RNGTT: variants seen among roughly 807,000 people sequenced by gnomAD.
The protein encoded by RNGTT is RNA guanylyltransferase and 5'-phosphatase.
In RNGTT, 33 loss-of-function variants were observed where a neutral mutation model predicts 79.3. That is an observed-to-expected ratio of 0.42 (90% CI 0.32 to 0.56). The LOEUF is 0.56. Ranked by LOEUF, RNGTT falls within the 20% of genes least tolerant of loss-of-function variation. The pLI, the probability that RNGTT is intolerant of heterozygous loss-of-function variation, is 0.17. For missense variants in RNGTT, 497 were observed against 739.1 expected (o/e 0.67, Z 3.80); for synonymous variants, 222 against 235.9 (o/e 0.94, Z 0.54).
At chr6:88,696,862 A>C (rs1293703964) in intron 13 of RNGTT, among the ~76,000 whole-genome samples, 1 of 152,148 alleles carries the variant, frequency 6.6e-6, no homozygotes, top group African/African-American at 2.4e-5. Context: ...GAAGTACAAA[A>C]GATGCTCTGG....
chr6:88,935,197 A>G (rs569734163), intron 2 of RNGTT, among the ~76,000 whole-genome samples: 320 of 152,124 alleles, frequency 2.1e-3, no homozygotes, highest in Non-Finnish European at 3.9e-3. Context: ...CCTGTCCCCA[A>G]TGTATGTTCT....
chr6:88,850,694 T>C (rs1045171794), intron 9 of RNGTT, among the ~76,000 whole-genome samples: 1 of 151,936 alleles, frequency 6.6e-6, no homozygotes, highest in Non-Finnish European at 1.5e-5. Flanking sequence ...TTATTTCTAC[T>C]TGAAGAATAA....
intron 13 of RNGTT, among the ~76,000 whole-genome samples, chr6:88,696,887 G>T (rs769197436): frequency 6.6e-6 from 1 of 152,110 alleles, no homozygotes; most frequent in Non-Finnish European, 1.5e-5. Context: ...TAGAAACAGA[G>T]AAATTTAAGC....
chr6:88,782,645 T>G (rs1452260761), intron 12 of RNGTT, among the ~76,000 whole-genome samples: 2 of 152,074 alleles, frequency 1.3e-5, no homozygotes, highest in African/African-American at 4.8e-5. Flanking sequence ...ATCTTCAAAC[T>G]ATACATCCAC....
intron 13 of RNGTT, among the ~76,000 whole-genome samples, chr6:88,708,855 G>A (rs1776228787): frequency 6.6e-6 from 1 of 152,106 alleles, no homozygotes; most frequent in South Asian, 2.1e-4. Context: ...ATACAACCAT[G>A]CAGGCAAAAG....
In RNGTT at chr6:88,612,890, C is replaced by A. The variant is rs976106899; in HGVS notation, c.1631-8G>T. ...AGATGCTGTTACACACAGCTGTGGA[C>A]AAAGGGAGACAGGTCTCATGTGAGG... On this transcript the variant is annotated splice_polypyrimidine_tract_variant and splice_region_variant and intron_variant, in intron 15 of 15. Transcript: ENST00000369485. 2.5e-6 allele frequency: 4 copies of A among 1,611,892 alleles called. No individual in the cohort carries two copies. Among genetic ancestry groups the A allele is most frequent in the African/African-American group, 2.7e-5 (2 of 74,840 alleles).
At chr6:88,779,884 C>T (rs1779006412) in intron 12 of RNGTT, among the ~76,000 whole-genome samples, 1 of 152,066 alleles carries the variant, frequency 6.6e-6, no homozygotes, top group Admixed American at 6.6e-5. Context: ...TCCCAGCCAC[C>T]TGGGGGGGCC....
intron 13 of RNGTT, among the ~76,000 whole-genome samples, chr6:88,751,208 G>A (rs567915152): frequency 5.9e-5 from 9 of 152,154 alleles, no homozygotes; most frequent in Admixed American, 4.6e-4. Flanking sequence ...TTGTTCCTTA[G>A]TAATGAATTC....
chr6:88,832,743 C>G (rs1223001371), intron 11 of RNGTT, among the ~76,000 whole-genome samples: 1 of 152,070 alleles, frequency 6.6e-6, no homozygotes, highest in Admixed American at 6.6e-5. Flanking sequence ...GAAAAAACAA[C>G]CCCATCAAAA....
intron 10 of RNGTT, among the ~76,000 whole-genome samples, chr6:88,845,687 G>A (rs1781462166): frequency 6.6e-6 from 1 of 152,178 alleles, no homozygotes; most frequent in South Asian, 2.1e-4. Flanking sequence ...ATACCTTGGG[G>A]ATGTCTTTTT....
At chr6:88,954,811 G>A (rs527872906) in intron 1 of RNGTT, among the ~76,000 whole-genome samples, 1 of 152,026 alleles carries the variant, frequency 6.6e-6, no homozygotes, top group African/African-American at 2.4e-5. Flanking sequence ...AGGAAGCTGA[G>A]GTGGGTGGAT....
intron 13 of RNGTT, among the ~76,000 whole-genome samples, chr6:88,731,821 C>G (rs1349635434): frequency 6.6e-6 from 1 of 152,144 alleles, no homozygotes; most frequent in East Asian, 1.9e-4. Flanking sequence ...AACTTAACTA[C>G]TAATAGCCTG....
chr6:88,716,717 A>T (rs528699175), intron 13 of RNGTT, among the ~76,000 whole-genome samples: 1 of 152,258 alleles, frequency 6.6e-6, no homozygotes, highest in South Asian at 2.1e-4. Context: ...TATCGCAAGG[A>T]CAAAAAACCA....
rs533180477 is a variant in RNGTT, at chr6:88,844,337, A to G, written c.1269+20T>C. 8 of 1,557,136 alleles carry G rather than the reference A, an allele frequency of 5.1e-6. No homozygotes were observed. Among genetic ancestry groups the G allele is most frequent in the South Asian group, 2.3e-5 (2 of 87,486 alleles). On this transcript the variant is annotated intron_variant, in intron 11 of 15. Transcript: ENST00000369485. ...TATGAGACATTATTAGCACTAATTTAAAAAAAAATTAAACTTTACCTTTCT... is the reference window on the plus strand; with the variant it reads ...TATGAGACATTATTAGCACTAATTTGAAAAAAAATTAAACTTTACCTTTCT...
chr6:88,630,464 G>T (rs1455547175), intron 14 of RNGTT, among the ~76,000 whole-genome samples: 2 of 152,092 alleles, frequency 1.3e-5, no homozygotes, highest in Non-Finnish European at 2.9e-5. Flanking sequence ...CTCCACTCTG[G>T]TGTAAAATGG....
intron 14 of RNGTT, among the ~76,000 whole-genome samples, chr6:88,666,962 G>C (rs541430666): frequency 1.9e-4 from 29 of 152,282 alleles, no homozygotes; most frequent in African/African-American, 7.0e-4. Context: ...ATTGAACTCA[G>C]GGGGAAAGGA....
At chr6:88,866,862 C>T (rs533789225) in intron 8 of RNGTT, among the ~76,000 whole-genome samples, 3 of 152,096 alleles carry the variant, frequency 2.0e-5, no homozygotes, top group Admixed American at 1.3e-4. Flanking sequence ...ATGACTTTAT[C>T]GGATTAAAAA....
At chr6:88,826,793 A>G (rs1253514364) in intron 11 of RNGTT, among the ~76,000 whole-genome samples, 2 of 120,146 alleles carry the variant, frequency 1.7e-5, no homozygotes, top group Non-Finnish European at 3.2e-5. Flanking sequence ...CAAAAGAAAA[A>G]AAAAAAATAT....
At chr6:88,627,959 T>G (rs1772697462) in intron 14 of RNGTT, among the ~76,000 whole-genome samples, 2 of 152,144 alleles carry the variant, frequency 1.3e-5, no homozygotes, top group Non-Finnish European at 2.9e-5. Context: ...CAATTGGGTA[T>G]TTTACTGTTT....
Sources: allele counts gnomAD v4.1 joint callset (sites outside exome capture counted in the v4.1 genomes callset), GRCh38; gene constraint gnomAD v4.1.1; transcripts MANE v1.5; gene names NCBI Gene and HGNC (gene_info 2026-07-23, HGNC 2026-07-21).